The following CDKAL1 variants were observed in gnomAD, a reference collection of about 807,000 sequenced individuals.
The protein encoded by CDKAL1 is threonylcarbamoyladenosine tRNA methylthiotransferase.
In CDKAL1, 32 loss-of-function variants were observed where a neutral mutation model predicts 68.2. The observed-to-expected ratio is 0.47, with a 90% CI of 0.35 to 0.63. CDKAL1 has a LOEUF of 0.63. Among genes scored for constraint, CDKAL1 ranks in the 30% least tolerant of loss-of-function variants. CDKAL1 has a pLI of 0.00. For missense variants in CDKAL1, 606 were observed against 696.7 expected (o/e 0.87, Z 1.47); for synonymous variants, 234 against 244.3 (o/e 0.96, Z 0.39).
At chr6:20,745,234 C>G (rs1392122019) in intron 6 of CDKAL1, among the ~76,000 whole-genome samples, 2 of 152,178 alleles carry the variant, frequency 1.3e-5, no homozygotes, top group African/African-American at 4.8e-5. Context: ...AATGCGAGCA[C>G]TTTAATTTTG....
chr6:20,596,219 G>A (rs1765815970), intron 4 of CDKAL1, among the ~76,000 whole-genome samples: 1 of 152,196 alleles, frequency 6.6e-6, no homozygotes. Flanking sequence ...CCTCTTCAGA[G>A]CCGGCAGGCA....
intron 9 of CDKAL1, among the ~76,000 whole-genome samples, chr6:20,953,845 C>T (rs1025930531): frequency 6.6e-6 from 1 of 151,982 alleles, no homozygotes; most frequent in East Asian, 1.9e-4. Context: ...CTATGAAAAC[C>T]CATATATCCA....
chr6:20,619,230 A>G (rs1258612571), intron 4 of CDKAL1, among the ~76,000 whole-genome samples: 1 of 152,228 alleles, frequency 6.6e-6, no homozygotes, highest in South Asian at 2.1e-4. Flanking sequence ...ACTCTTGTGC[A>G]TCTATAAAAT....
At chr6:20,972,524 G>T (rs556736961) in intron 10 of CDKAL1, among the ~76,000 whole-genome samples, 1 of 152,188 alleles carries the variant, frequency 6.6e-6, no homozygotes, top group Non-Finnish European at 1.5e-5. Context: ...GAAACAGAAA[G>T]CAGGATAAAC....
At chr6:20,986,224 C>T (rs1033517834) in intron 10 of CDKAL1, among the ~76,000 whole-genome samples, 1 of 152,126 alleles carries the variant, frequency 6.6e-6, no homozygotes, top group East Asian at 1.9e-4. Flanking sequence ...ACCTAATGAT[C>T]TACTGTCAAG....
At chr6:20,930,375 C>T (rs1763384164) in intron 9 of CDKAL1, among the ~76,000 whole-genome samples, 1 of 152,014 alleles carries the variant, frequency 6.6e-6, no homozygotes, top group Non-Finnish European at 1.5e-5. Flanking sequence ...GGGTAGTTCC[C>T]ATTTGCAAAT....
At chr6:20,590,756 T>C (rs1451159089) in intron 4 of CDKAL1, among the ~76,000 whole-genome samples, 7 of 152,208 alleles carry the variant, frequency 4.6e-5, no homozygotes, top group African/African-American at 1.2e-4. Flanking sequence ...CAATCTATCA[T>C]TGATGGGCAT....
chr6:21,179,552 A>G (rs1777711283), intron 13 of CDKAL1, among the ~76,000 whole-genome samples: 1 of 152,212 alleles, frequency 6.6e-6, no homozygotes, highest in Non-Finnish European at 1.5e-5. Flanking sequence ...CTCAAGCTAA[A>G]GAATTTGGAA....
At chr6:21,113,103 G>GA (rs1429958720) in intron 13 of CDKAL1, among the ~76,000 whole-genome samples, 4 of 152,150 alleles carry the variant, frequency 2.6e-5, no homozygotes, top group Non-Finnish European at 5.9e-5. Context: ...GAGGAACTCC[G>GA]AAAGTGCAGC....
At chr6:20,587,391 A>T (rs1033367070) in intron 4 of CDKAL1, among the ~76,000 whole-genome samples, 8 of 152,106 alleles carry the variant, frequency 5.3e-5, no homozygotes, top group African/African-American at 1.9e-4. Context: ...TTCACTTTAC[A>T]AGAGAAGATC....
At chr6:20,652,662 T>A (rs536648884) in intron 5 of CDKAL1, among the ~76,000 whole-genome samples, 7 of 152,318 alleles carry the variant, frequency 4.6e-5, no homozygotes, top group African/African-American at 1.7e-4. Flanking sequence ...AGCCAGACTT[T>A]TAAAAATTCT....
chr6:20,819,878 G>A (rs373676987), intron 8 of CDKAL1, among the ~76,000 whole-genome samples: 20 of 152,046 alleles, frequency 1.3e-4, no homozygotes, highest in South Asian at 1.0e-3. Flanking sequence ...AATACATTGT[G>A]GGCCACACCC....
At chr6:21,087,791 C>T (rs933498708) in intron 12 of CDKAL1, among the ~76,000 whole-genome samples, 3 of 150,324 alleles carry the variant, frequency 2.0e-5, no homozygotes, top group South Asian at 2.1e-4. Context: ...GATATGCATG[C>T]ATGCGTGCAC....
chr6:20,876,279 G>T (rs4077403), intron 9 of CDKAL1, among the ~76,000 whole-genome samples: 29,939 of 152,142 alleles, frequency 0.2, 3,065 homozygotes, highest in East Asian at 0.34. Context: ...TTAAGCAGCA[G>T]ATTCTTTCAC....
At chr6:20,935,136 C>T (rs1303159323) in intron 9 of CDKAL1, among the ~76,000 whole-genome samples, 4 of 152,084 alleles carry the variant, frequency 2.6e-5, no homozygotes, top group African/African-American at 7.2e-5. Context: ...CCTCAAGATC[C>T]GCCTGCCTTG....
rs1263660789 is a variant in CDKAL1 at position 20,626,945 on chromosome 6, GGA to G, written c.287-22346_287-22345del. 1.1e-4 allele frequency among the ~76,000 whole-genome samples: 17 copies of G among 152,322 alleles called. No homozygotes were observed. The Middle Eastern group carries it at 0.01, about 92-fold the overall frequency. ...CTATCTGGAAGGAAGGCTGTGAAAG[GGA>G]GTTGGCTTTTCTAGCCTCTACTGTA... On this transcript the variant is annotated intron_variant, in intron 4 of 15. Transcript: ENST00000274695.
intron 13 of CDKAL1, among the ~76,000 whole-genome samples, chr6:21,154,997 C>T (rs1776581092): frequency 7.3e-6 from 1 of 136,094 alleles, no homozygotes; most frequent in Non-Finnish European, 1.6e-5. Context: ...CCCCCACCCC[C>T]CCCAAAAAAA....
In CDKAL1 at chr6:21,232,009, G is replaced by GTTTTTTTTT. The variant is rs1554200387; in HGVS notation, c.*977_*985dup. The GTTTTTTTTT allele has an allele frequency of 1.1e-4, 15 of 131,778 alleles. No individual in the cohort carries two copies. Among genetic ancestry groups the GTTTTTTTTT allele is most frequent in the African/African-American group, 2.9e-4 (10 of 34,070 alleles). 8.2% of individuals were successfully genotyped at this position (131,778 alleles called of 1,614,324 possible). A position where few individuals can be genotyped will look rare whatever the true frequency, so the allele number is the denominator to read the frequency against. On this transcript the variant is annotated 3_prime_UTR_variant, in exon 16 of 16. Transcript: ENST00000274695. ...CCATTGGGGTTTTTTTTTTGTTTTTGTTTTTTTTTTTTTTTGAGTCAAGGT... is the reference window on the plus strand; with the variant it reads ...CCATTGGGGTTTTTTTTTTGTTTTTGTTTTTTTTTTTTTTTTTTTTTTTTGAGTCAAGGT...
At chr6:21,012,163 A>C (rs1448364122) in intron 11 of CDKAL1, among the ~76,000 whole-genome samples, 1 of 152,234 alleles carries the variant, frequency 6.6e-6, no homozygotes, top group Non-Finnish European at 1.5e-5. Context: ...CCTGAAAGTC[A>C]TACCCGTCAC....
Sources: gnomAD v4.1 joint callset for allele counts (sites outside exome capture counted in the v4.1 genomes callset) on GRCh38, gnomAD v4.1.1 for gene constraint, MANE v1.5 for transcripts, NCBI Gene and HGNC (gene_info 2026-07-23, HGNC 2026-07-21) for gene names.